The following PCDH11X variants were observed in gnomAD, a reference collection of about 807,000 sequenced individuals.
PCDH11X encodes protocadherin 11 X-linked.
Under a neutral mutation model 53.3 loss-of-function variants are expected in PCDH11X, and 18 were observed. That is an observed-to-expected ratio of 0.34 (90% CI 0.23 to 0.50). The LOEUF is 0.50. Ranked by LOEUF, PCDH11X falls within the 20% of genes least tolerant of loss-of-function variation. The probability of loss-of-function intolerance (pLI) is 0.98; values close to 1 mark genes in which losing one functional copy is unlikely to be tolerated. For missense variants in PCDH11X, 570 were observed against 1,032.4 expected (o/e 0.55, Z 6.14); for synonymous variants, 279 against 393.3 (o/e 0.71, Z 3.44).
At chrX:92,466,000 A>G (rs1418162314) in intron 9 of PCDH11X, among the ~76,000 whole-genome samples, 1 of 111,296 alleles carries the variant, frequency 9.0e-6, no homozygotes, top group African/African-American at 3.2e-5. Context: ...AATGATGCCT[A>G]AACTATCGTT....
At chrX:91,913,164 A>G (rs977277760) in intron 6 of PCDH11X, among the ~76,000 whole-genome samples, 4 of 110,771 alleles carry the variant, frequency 3.6e-5, no homozygotes, top group African/African-American at 1.3e-4. Flanking sequence ...CTCCCAAATG[A>G]AATTGGTAGT....
intron 6 of PCDH11X, among the ~76,000 whole-genome samples, chrX:91,981,568 A>G (rs1258544103): frequency 8.9e-6 from 1 of 111,913 alleles, no homozygotes; most frequent in African/African-American, 3.2e-5. Flanking sequence ...TCTACCACTT[A>G]ACCTTTTATA....
chrX:91,829,008 C>T (rs1937017791), intron 4 of PCDH11X, among the ~76,000 whole-genome samples: 1 of 109,555 alleles, frequency 9.1e-6, no homozygotes, highest in South Asian at 3.8e-4. Context: ...AATTTAGACC[C>T]CAACACAAAA....
intron 9 of PCDH11X, among the ~76,000 whole-genome samples, chrX:92,423,861 A>T (rs1350997710): frequency 1.0e-5 from 1 of 96,989 alleles, no homozygotes; most frequent in African/African-American, 3.3e-5. Context: ...GCCTATTTTT[A>T]TACCTGTACC....
At chrX:92,300,537 A>T (rs1413120826) in intron 8 of PCDH11X, among the ~76,000 whole-genome samples, 1 of 110,986 alleles carries the variant, frequency 9.0e-6, no homozygotes, top group Non-Finnish European at 1.9e-5. Flanking sequence ...GAATGCAATG[A>T]CACGATCTCG....
intron 8 of PCDH11X, among the ~76,000 whole-genome samples, chrX:92,314,633 A>C (rs1341645215): frequency 2.7e-5 from 3 of 111,381 alleles, no homozygotes; most frequent in Non-Finnish European, 5.6e-5. Flanking sequence ...CGAGTAATGC[A>C]TTGCACTACA....
At chrX:92,142,633 T>A (rs1427695681) in intron 6 of PCDH11X, among the ~76,000 whole-genome samples, 1 of 110,954 alleles carries the variant, frequency 9.0e-6, no homozygotes, top group East Asian at 2.8e-4. Context: ...ATTGTTCAGC[T>A]ACTACTTGTG....
intron 5 of PCDH11X, among the ~76,000 whole-genome samples, chrX:91,876,003 A>G (rs762370834): frequency 5.6e-4 from 63 of 111,832 alleles, no homozygotes; most frequent in Non-Finnish European, 9.2e-4. Flanking sequence ...AAAATATTTT[A>G]ATTCATTTGG....
intron 6 of PCDH11X, among the ~76,000 whole-genome samples, chrX:92,077,614 AAGGAAGGG>A (rs1281757014): frequency 0.01 from 842 of 81,161 alleles, 7 homozygotes; most frequent in Non-Finnish European, 0.015. Flanking sequence ...AAAAAGAAGG[AAGGAAGGG>A]AGGAAGGAAG....
chrX:91,801,004 C>G (rs1383030887), intron 1 of PCDH11X, among the ~76,000 whole-genome samples: 1 of 107,439 alleles, frequency 9.3e-6, no homozygotes, highest in East Asian at 2.9e-4. Context: ...CATGATGAAA[C>G]CTCATCTCTA....
intron 10 of PCDH11X, among the ~76,000 whole-genome samples, chrX:92,489,792 A>T (rs1288268135): frequency 3.8e-5 from 4 of 105,320 alleles, no homozygotes; most frequent in East Asian, 2.9e-4. Flanking sequence ...CATATATATA[A>T]AAATTTATAC....
At chrX:92,217,796 G>A (rs779751164) in intron 7 of PCDH11X, among the ~76,000 whole-genome samples, 1 of 111,246 alleles carries the variant, frequency 9.0e-6, no homozygotes, top group African/African-American at 3.3e-5. Context: ...TGACCACATA[G>A]TTGGAAGTAA....
intron 8 of PCDH11X, among the ~76,000 whole-genome samples, chrX:92,351,560 T>C (rs1289704866): frequency 8.9e-6 from 1 of 111,807 alleles, no homozygotes; most frequent in Non-Finnish European, 1.9e-5. Flanking sequence ...ATAATAATTA[T>C]ATTATCTTTA....
intron 7 of PCDH11X, among the ~76,000 whole-genome samples, chrX:92,229,742 C>A (rs2067033292): frequency 9.0e-6 from 1 of 111,151 alleles, no homozygotes; most frequent in Non-Finnish European, 1.9e-5. Flanking sequence ...AATATTTATT[C>A]TGGATAAAAT....
In PCDH11X at chrX:92,342,228, A is replaced by T. The variant is rs200603720; in HGVS notation, c.3145-45507A>T. Among the ~76,000 whole-genome samples, 23 of 111,548 alleles carry T rather than the reference A, an allele frequency of 2.1e-4. No homozygotes were observed. The East Asian group carries it at 6.3e-3, about 30-fold the overall frequency. On this transcript the variant is annotated intron_variant, in intron 8 of 10. Coordinates refer to ENST00000682573, the MANE Select transcript of PCDH11X (RefSeq NM_032968.5). ...AGAGGAAAGGGAGTGCTTATACACA[A>T]CTAGGGGGAATGTAAGTTAGTTCAG...
intron 6 of PCDH11X, among the ~76,000 whole-genome samples, chrX:92,151,794 T>C (rs1464728930): frequency 9.0e-6 from 1 of 111,449 alleles, no homozygotes; most frequent in East Asian, 2.8e-4. Flanking sequence ...ACATATTAAA[T>C]CACAATTATT....
intron 6 of PCDH11X, among the ~76,000 whole-genome samples, chrX:92,075,014 A>G (rs189670640): frequency 6.3e-5 from 7 of 111,240 alleles, no homozygotes; most frequent in Non-Finnish European, 1.1e-4. Context: ...CCATGGGTAT[A>G]GAGCTCACAG....
At chrX:92,275,846 A>G (rs922646023) in intron 8 of PCDH11X, among the ~76,000 whole-genome samples, 8 of 110,367 alleles carry the variant, frequency 7.2e-5, no homozygotes, top group Non-Finnish European at 1.5e-4. Flanking sequence ...ATTAGGTTTT[A>G]ATGAGATGGT....
intron 9 of PCDH11X, among the ~76,000 whole-genome samples, chrX:92,401,029 T>C (rs1315093972): frequency 9.7e-6 from 1 of 102,938 alleles, no homozygotes; most frequent in Non-Finnish European, 2.0e-5. Flanking sequence ...CTGATTATTT[T>C]ATTTGTTTCA....
Sources: allele counts gnomAD v4.1 joint callset (sites outside exome capture counted in the v4.1 genomes callset), GRCh38; gene constraint gnomAD v4.1.1; transcripts MANE v1.5; gene names NCBI Gene and HGNC (gene_info 2026-07-23, HGNC 2026-07-21).